CDHR1: variants seen among roughly 807,000 people sequenced by gnomAD.
CDHR1 encodes cadherin related family member 1, also known as cadherin-related family member 1.
Under a neutral mutation model 72.1 loss-of-function variants are expected in CDHR1, and 61 were observed. That is an observed-to-expected ratio of 0.85 (90% CI 0.69 to 1.05). The LOEUF is 1.05. CDHR1 is among the 50% of genes least tolerant of loss of function. CDHR1 has a pLI of 0.00. For missense variants in CDHR1, 1,186 were observed against 1,115.7 expected, an observed-to-expected ratio of 1.06 and a Z score of -0.90; for synonymous variants, 470 against 448.1, an observed-to-expected ratio of 1.05 and a Z score of -0.62.
At chr10:84,195,993 T>C (rs1397531494) in intron 2 of CDHR1, among the ~76,000 whole-genome samples, 1 of 152,176 alleles carries the variant, frequency 6.6e-6, no homozygotes, top group Non-Finnish European at 1.5e-5. Context: ...TCTCCCTCAC[T>C]TTGTGGGTAG....
rs1483608000 is a variant in CDHR1 at position 84,212,899 on chromosome 10, T to C, written c.1783-192T>C. On this transcript the variant is annotated intron_variant, in intron 15 of 16. Transcript: ENST00000623527. ...TCTGATAATGGAATCGGCTAGCCCA[T>C]GTGTAAGACCTACGTAAACCCTGGC... 3 of 676,994 alleles carry C rather than the reference T, an allele frequency of 4.4e-6. No individual in the cohort carries two copies. The Admixed American group carries it at 6.9e-5, about 15-fold the overall frequency. 41.9% of individuals were successfully genotyped at this position (676,994 alleles called of 1,614,324 possible). A position where few individuals can be genotyped will look rare whatever the true frequency, so the allele number is the denominator to read the frequency against.
rs548255327 is a variant in CDHR1 at position 84,194,916 on chromosome 10, G to T, written c.55+101G>T. 3.0e-5 allele frequency: 34 copies of T among 1,134,338 alleles called. No homozygotes were observed. In the East Asian group the frequency reaches 8.5e-4, roughly 28 times the overall value. 70.3% of individuals were successfully genotyped at this position (1,134,338 alleles called of 1,614,324 possible). A position where few individuals can be genotyped will look rare whatever the true frequency, so the allele number is the denominator to read the frequency against. ...GGGACATGGTCCTGGACCACTTCCAGAGTGGGACTCGGGCTGGTGGACGGG... is the reference window on the plus strand; with the variant it reads ...GGGACATGGTCCTGGACCACTTCCATAGTGGGACTCGGGCTGGTGGACGGG... On this transcript the variant is annotated intron_variant, in intron 1 of 16. Transcript: ENST00000623527.
At chr10:84,199,497 C>T (rs4933973) in intron 5 of CDHR1, among the ~76,000 whole-genome samples, 99,377 of 152,076 alleles carry the variant, frequency 0.65, 34,072 homozygotes, top group African/African-American at 0.88. Context: ...ACATATGCTT[C>T]CTATATCCTA....
At chr10:84,198,124 C>A (rs1842060042) in intron 4 of CDHR1, among the ~76,000 whole-genome samples, 1 of 152,228 alleles carries the variant, frequency 6.6e-6, no homozygotes, top group Non-Finnish European at 1.5e-5. Context: ...CTGCTTCCCC[C>A]ACCCAGGTCT....
chr10:84,199,389 T>C (rs903541241), intron 5 of CDHR1, among the ~76,000 whole-genome samples: 3 of 152,256 alleles, frequency 2.0e-5, no homozygotes, highest in African/African-American at 7.2e-5. Context: ...ACTTGAGACA[T>C]TGTTAAATTT....
rs886047322 is a variant in CDHR1, at chr10:84,195,576, G to A, written c.138G>A (p.Glu46=). 6.2e-7 allele frequency: 1 copy of A among 1,614,032 alleles called. No individual in the cohort carries two copies. Among genetic ancestry groups the A allele is most frequent in the Non-Finnish European group, 8.5e-7 (1 of 1,179,902 alleles). ...NGNMALFSLP[E]DTPVGSHVYT... is the part of the protein sequence containing the mutation. ...ACATGGCTCTGTTCAGCCTCCCAGA[G>A]GACACCCCTGTAGGTGAGTAGCCCT... Residue 46 remains glutamate, a synonymous_variant, in exon 2 of 17, where the codon GAG becomes GAA. Coordinates refer to ENST00000623527, the MANE Select transcript of CDHR1 (RefSeq NM_033100.4).
chr10:84,219,218 A>G, downstream of CDHR1: 1 of 1,550,938 alleles, frequency 6.4e-7, no homozygotes, highest in Non-Finnish European at 8.7e-7. Flanking sequence ...GCCTTATTCA[A>G]TCTGAGTAAT....
At chr10:84,204,249 G>GA (rs1217467467) in intron 8 of CDHR1, among the ~76,000 whole-genome samples, 1 of 152,162 alleles carries the variant, frequency 6.6e-6, no homozygotes, top group Non-Finnish European at 1.5e-5. Flanking sequence ...TGTGGGCCAG[G>GA]AGTTGGTGCA....
Position 84,217,804 on chromosome 10 carries a change from C to A in CDHR1, c.*3183C>A. The A allele has an allele frequency of 1.0e-6, 1 of 985,418 alleles. No individual in the cohort carries two copies. The highest frequency in any genetic ancestry group is 1.7e-5 in the African/African-American group (1 of 57,344). 61.0% of individuals were successfully genotyped at this position (985,418 alleles called of 1,614,324 possible). A position where few individuals can be genotyped will look rare whatever the true frequency, so the allele number is the denominator to read the frequency against. On this transcript the variant is annotated 3_prime_UTR_variant, in exon 17 of 17. Coordinates refer to ENST00000623527, the MANE Select transcript of CDHR1 (RefSeq NM_033100.4). ...ATCCAGAGGGGAGTGGAGGACAGGGCAGATGCCACAGCATCTGTGGCCTGT... is the reference window on the plus strand; with the variant it reads ...ATCCAGAGGGGAGTGGAGGACAGGGAAGATGCCACAGCATCTGTGGCCTGT...
intron 16 of CDHR1, 113 bp downstream of exon 16, chr10:84,213,461 A>C: frequency 7.1e-7 from 1 of 1,415,374 alleles, no homozygotes; most frequent in Non-Finnish European, 9.9e-7. Flanking sequence ...AAGACACTCA[A>C]CGTTATCAAA....
rs191858417 is a variant in CDHR1 at position 84,204,581 on chromosome 10, C to G, written c.838C>G (p.Arg280Gly). 7 of 1,613,378 alleles carry G rather than the reference C, an allele frequency of 4.3e-6. No homozygotes were observed. In the Admixed American group the frequency reaches 8.3e-5, roughly 19 times the overall value. The change falls in exon 9 of 17, where the codon CGA becomes GGA. Residue 280 changes from arginine to glycine, a missense_variant. Arg to Gly is a moderately radical substitution (Grantham distance 125). Transcript: ENST00000623527. The stretch of plus-strand genomic sequence containing the variant: ...GGATGGAGACCGGGGCAAACCCAAT[C>G]GAATTCTCTACAGCCTTGTAAATGG... The part of the protein sequence containing the change: ...AMDGDRGKPN[R>G]ILYSLVNGND...
chr10:84,218,712 TCTTTTCAACATGAATTAA>T, downstream of CDHR1: 2 of 991,112 alleles, frequency 2.0e-6, no homozygotes, highest in African/African-American at 3.5e-5. Context: ...AACTGTAGCA[TCTTTTCAACATGAATTAA>T]ACAGAACATG....
chr10:84,218,569 C>T lies in CDHR1; in HGVS notation c.*3948C>T. ...CTCTTTAATTGCTAATCGCCTGGGC[C>T]TAGGGAGTCTTCATTTTAAAAGCAA... On this transcript the variant is annotated 3_prime_UTR_variant, in exon 17 of 17. Transcript: ENST00000623527. 7.1e-6 allele frequency: 7 copies of T among 985,410 alleles called. No homozygotes were observed. Among genetic ancestry groups the T allele is most frequent in the Non-Finnish European group, 8.4e-6 (7 of 829,950 alleles). 61.0% of individuals were successfully genotyped at this position (985,410 alleles called of 1,614,324 possible).
chr10:84,203,094 T>C lies in CDHR1; in HGVS notation c.754T>C (p.Tyr252His), dbSNP rs778928454. The C allele has an allele frequency of 3.1e-6, 5 of 1,614,226 alleles. No homozygotes were observed. The highest frequency in any genetic ancestry group is 1.3e-5 in the African/African-American group (1 of 75,078). The stretch of plus-strand genomic sequence containing the variant: ...CCCTGTCTTCGTGGGCACACCCTAC[T>C]ATGGCTATGTGTACGAGGACACCCT... Reference protein sequence around the residue: ...MAPVFVGTPYYGYVYEDTLPG... With the variant: ...MAPVFVGTPYHGYVYEDTLPG... The change falls in exon 8 of 17, where the codon TAT (tyrosine) becomes CAT (histidine). Residue 252 changes from tyrosine to histidine, a missense_variant. Transcript: ENST00000623527.
chr10:84,208,988 G>A, intron 12 of CDHR1, 107 bp downstream of exon 12: 1 of 1,231,110 alleles, frequency 8.1e-7, no homozygotes, highest in Non-Finnish European at 1.2e-6. Context: ...TGCCCTTCCT[G>A]GCCCTACTCT....
Position 84,201,936 on chromosome 10 carries a change from AG to A in CDHR1, c.639+20del. On this transcript the variant is annotated intron_variant, in intron 7 of 16. Coordinates refer to ENST00000623527, the MANE Select transcript of CDHR1 (RefSeq NM_033100.4). ...GGTCGCCAAGGTAACACAGCAGGAC[AG>A]GGGAGCATCCAGTGTCTCCTCAGCC... 7 of 1,580,044 alleles carry A rather than the reference AG, an allele frequency of 4.4e-6. No homozygotes were observed. Among genetic ancestry groups the A allele is most frequent in the Non-Finnish European group, 6.0e-6 (7 of 1,160,502 alleles).
Position 84,202,894 on chromosome 10 carries a change from T to G in CDHR1, c.640-86T>G, listed in dbSNP as rs7073076. Reference sequence around the variant, plus strand: ...GGACAGCTGGCCTCACAGCCATAGGTGGCAGAAGCCAGGTTTTCACGGATT... The same window carrying G: ...GGACAGCTGGCCTCACAGCCATAGGGGGCAGAAGCCAGGTTTTCACGGATT... On this transcript the variant is annotated intron_variant, in intron 7 of 16. Transcript: ENST00000623527. The G allele has an allele frequency of 0.47, 710,883 of 1,503,072 alleles. 172,778 individuals are homozygous for G. The highest frequency in any genetic ancestry group is 0.78 in the African/African-American group (56,841 of 72,732). The allele number at this position is 1,503,072 out of a possible 1,614,324, so 93.1% of individuals were successfully genotyped here. A position where few individuals can be genotyped will look rare whatever the true frequency, so the allele number is the denominator to read the frequency against.
intron 10 of CDHR1, among the ~76,000 whole-genome samples, chr10:84,206,466 C>T (rs1037944701): frequency 1.3e-5 from 2 of 152,192 alleles, no homozygotes; most frequent in Admixed American, 6.5e-5. Flanking sequence ...GCTTAATGCT[C>T]GCTGTTTGCT....
chr10:84,200,789 G>T, intron 6 of CDHR1, 102 bp downstream of exon 6: 1 of 788,062 alleles, frequency 1.3e-6, no homozygotes, highest in Admixed American at 2.0e-5. Context: ...GTGCCTCTAT[G>T]ATTCCCGAGA....
Sources: gnomAD v4.1 joint callset for allele counts (sites outside exome capture counted in the v4.1 genomes callset) on GRCh38, gnomAD v4.1.1 for gene constraint, MANE v1.5 for transcripts, NCBI Gene and HGNC (gene_info 2026-07-23, HGNC 2026-07-21) for gene names.